Variants in ARHGAP42 observed in about 807,000 individuals in gnomAD.
The protein encoded by ARHGAP42 is rho GTPase-activating protein 42.
In ARHGAP42, 63 loss-of-function variants were observed where a neutral mutation model predicts 125.0. The observed-to-expected ratio is 0.50, with a 90% CI of 0.41 to 0.62. ARHGAP42 has a LOEUF of 0.62. Ranked by LOEUF, ARHGAP42 falls within the 20% of genes least tolerant of loss-of-function variation. The pLI is 0.00. For synonymous variants in ARHGAP42, 339 were observed against 351.0 expected, an observed-to-expected ratio of 0.97 and a Z score of 0.38; for missense variants, 766 against 1,024.2, an observed-to-expected ratio of 0.75 and a Z score of 3.44.
chr11:100,706,450 G>T (rs1270884483), intron 1 of ARHGAP42, among the ~76,000 whole-genome samples: 1 of 152,178 alleles, frequency 6.6e-6, no homozygotes, highest in African/African-American at 2.4e-5. Context: ...AACTTTGTAT[G>T]TGAAGACAAA....
chr11:100,807,862 C>A (rs1241808843), intron 3 of ARHGAP42, among the ~76,000 whole-genome samples: 1 of 152,230 alleles, frequency 6.6e-6, no homozygotes, highest in Non-Finnish European at 1.5e-5. Flanking sequence ...CATTTACTCT[C>A]TGCTGTTGGC....
At chr11:100,741,311 G>A (rs1217241024) in intron 1 of ARHGAP42, among the ~76,000 whole-genome samples, 2 of 152,156 alleles carry the variant, frequency 1.3e-5, no homozygotes, top group Admixed American at 6.5e-5. Flanking sequence ...GATTACAGGC[G>A]TGAGCCACCG....
intron 1 of ARHGAP42, among the ~76,000 whole-genome samples, chr11:100,730,101 T>C (rs1046367900): frequency 2.0e-5 from 3 of 152,146 alleles, no homozygotes; most frequent in Admixed American, 6.5e-5. Context: ...TGAGCCACTG[T>C]GCCTGGCCTA....
At position 100,907,586 on chromosome 11, in the gene ARHGAP42, G is replaced by A. The variant is rs565091622; in HGVS notation, c.385-5866G>A. Among the ~76,000 whole-genome samples, 16 of 152,300 alleles carry A rather than the reference G, an allele frequency of 1.1e-4. No homozygotes were observed. In the South Asian group the frequency reaches 2.7e-3, roughly 26 times the overall value. On this transcript the variant is annotated intron_variant, in intron 4 of 23. Coordinates refer to ENST00000298815, the MANE Select transcript of ARHGAP42 (RefSeq NM_152432.4). The stretch of plus-strand genomic sequence containing the variant: ...TGGAATCACCCACAGGAGAGACACT[G>A]CTGTGCAAGCCACACCAATATTTTC...
At chr11:100,853,751 T>G (rs1865258798) in intron 3 of ARHGAP42, among the ~76,000 whole-genome samples, 1 of 152,152 alleles carries the variant, frequency 6.6e-6, no homozygotes, top group South Asian at 2.1e-4. Context: ...TTAATTTGAT[T>G]TATACATTCA....
At chr11:100,903,118 C>CGT (rs67009499) in intron 4 of ARHGAP42, among the ~76,000 whole-genome samples, 2 of 5,708 alleles carry the variant, frequency 3.5e-4, no homozygotes, top group African/African-American at 1.4e-3. Flanking sequence ...CCAAGATGCG[C>CGT]ACACACACAC....
chr11:100,732,794 A>C (rs1443418780), intron 1 of ARHGAP42, among the ~76,000 whole-genome samples: 1 of 152,230 alleles, frequency 6.6e-6, no homozygotes, highest in African/African-American at 2.4e-5. Context: ...TCAAACACTT[A>C]ACCTTAAGCA....
At chr11:100,961,661 A>G (rs773399326) in intron 14 of ARHGAP42, 23 bp from the exon 15 acceptor site, 7 of 1,545,076 alleles carry the variant, frequency 4.5e-6, no homozygotes, top group Non-Finnish European at 6.1e-6. Context: ...CACAATTTAA[A>G]CACCTTGTTT....
intron 3 of ARHGAP42, among the ~76,000 whole-genome samples, chr11:100,829,978 G>A (rs1021678360): frequency 6.6e-6 from 1 of 152,166 alleles, no homozygotes. Context: ...ACATACTTTG[G>A]ATTCTCCAAA....
intron 1 of ARHGAP42, among the ~76,000 whole-genome samples, chr11:100,704,090 T>G (rs1301367442): frequency 6.6e-6 from 1 of 152,034 alleles, no homozygotes; most frequent in African/African-American, 2.4e-5. Context: ...CAGTTAAGAA[T>G]TGAAGGGGAA....
chr11:100,746,180 G>A (rs1056648116), intron 1 of ARHGAP42, among the ~76,000 whole-genome samples: 4 of 152,156 alleles, frequency 2.6e-5, no homozygotes, highest in Non-Finnish European at 5.9e-5. Flanking sequence ...TGATTGATAA[G>A]CTCTTGCAAA....
chr11:100,795,964 G>C (rs1013706009), intron 3 of ARHGAP42, among the ~76,000 whole-genome samples: 2 of 152,156 alleles, frequency 1.3e-5, no homozygotes, highest in Non-Finnish European at 2.9e-5. Flanking sequence ...CCACTTGGGG[G>C]ATTATATACA....
rs956916955 is a variant in ARHGAP42, at chr11:100,828,071, A to G, written c.313-31483A>G. Among the ~76,000 whole-genome samples, 23 of 152,260 alleles carry G rather than the reference A, an allele frequency of 1.5e-4. No homozygotes were observed. The South Asian group carries it at 3.1e-3, about 21-fold the overall frequency. On this transcript the variant is annotated intron_variant, in intron 3 of 23. Transcript: ENST00000298815. Reference sequence around the variant, plus strand: ...TATCACTGAGCAGGTGAAAAATGGGAAGTAAAAGTCATGGCTCTTAACATT... The same window carrying G: ...TATCACTGAGCAGGTGAAAAATGGGGAGTAAAAGTCATGGCTCTTAACATT...
chr11:100,820,246 G>A (rs957830077), intron 3 of ARHGAP42, among the ~76,000 whole-genome samples: 10 of 152,076 alleles, frequency 6.6e-5, no homozygotes, highest in African/African-American at 2.4e-4. Flanking sequence ...AGATTATTGG[G>A]TAGTTCTGAA....
In ARHGAP42 at chr11:100,976,064, C is replaced by A. The variant is rs1780174344; in HGVS notation, c.1863C>A (p.Ser621=). 6.6e-7 allele frequency: 1 copy of A among 1,524,522 alleles called. No individual in the cohort carries two copies. Among genetic ancestry groups the A allele is most frequent in the Admixed American group, 2.1e-5 (1 of 47,494 alleles). The allele number at this position is 1,524,522 out of a possible 1,614,324, so 94.4% of individuals were successfully genotyped here. Residue 621 remains serine (S), a synonymous_variant, in exon 20 of 24, where the codon TCC becomes TCA. Transcript: ENST00000298815. ...CTCCCTCCTACTCCTTAGGTGACTC[C>A]TATAGCAGCAGCCCAGACAGCACAC... ...TPCLAEPDSD[S]YSSSPDSTPM...
At chr11:100,866,846 C>G (rs1211503524) in intron 4 of ARHGAP42, among the ~76,000 whole-genome samples, 1 of 152,052 alleles carries the variant, frequency 6.6e-6, no homozygotes, top group Non-Finnish European at 1.5e-5. Context: ...TATGAAATGC[C>G]TTTTTTTAAT....
chr11:100,855,758 G>A (rs1239786266), intron 3 of ARHGAP42, among the ~76,000 whole-genome samples: 2 of 151,958 alleles, frequency 1.3e-5, no homozygotes, highest in African/African-American at 4.8e-5. Flanking sequence ...AAAATGCATG[G>A]TAAATGCTAT....
At chr11:100,725,064 C>T (rs981601558) in intron 1 of ARHGAP42, among the ~76,000 whole-genome samples, 16 of 152,056 alleles carry the variant, frequency 1.1e-4, no homozygotes, top group East Asian at 1.9e-4. Flanking sequence ...GAGATTTCTA[C>T]GACCTGTATG....
chr11:100,947,398 G>T (rs536270), intron 10 of ARHGAP42, among the ~76,000 whole-genome samples: 2 of 151,804 alleles, frequency 1.3e-5, no homozygotes, highest in African/African-American at 2.4e-5. Context: ...TTAATGCTTT[G>T]TCTTAACACA....
Sources: gnomAD v4.1 joint callset for allele counts (sites outside exome capture counted in the v4.1 genomes callset) on GRCh38, gnomAD v4.1.1 for gene constraint, MANE v1.5 for transcripts, NCBI Gene and HGNC (gene_info 2026-07-23, HGNC 2026-07-21) for gene names.